Variants in RIMS2 observed in about 807,000 individuals in gnomAD.
RIMS2 encodes regulating synaptic membrane exocytosis 2.
In RIMS2, 59 loss-of-function variants were observed where a neutral mutation model predicts 174.4. That is an observed-to-expected ratio of 0.34 (90% CI 0.27 to 0.42). The LOEUF (loss-of-function observed/expected upper bound fraction) is 0.42, where lower values mean the gene tolerates loss of function less well. RIMS2 is among the 10% of genes least tolerant of loss of function. The pLI is 1.00. For synonymous variants in RIMS2, 606 were observed against 572.5 expected, an observed-to-expected ratio of 1.06 and a Z score of -0.84; for missense variants, 1,620 against 1,666.3, an observed-to-expected ratio of 0.97 and a Z score of 0.48.
At position 104,250,939 on chromosome 8, in the gene RIMS2, T is replaced by C. The variant is rs1588280817; in HGVS notation, c.3692-85T>C. On this transcript the variant is annotated intron_variant, in intron 22 of 23. Transcript: ENST00000504942. The stretch of plus-strand genomic sequence containing the variant: ...ATTGCTAGCTCTTTCAGCCAAAGAT[T>C]ACTAAACTGGTAAATGTCACCGTGC... 1.1e-5 allele frequency: 13 copies of C among 1,206,898 alleles called. No individual in the cohort carries two copies. The East Asian group carries it at 3.0e-4, about 28-fold the overall frequency. 74.8% of individuals were successfully genotyped at this position (1,206,898 alleles called of 1,614,324 possible). A position where few individuals can be genotyped will look rare whatever the true frequency, so the allele number is the denominator to read the frequency against.
At chr8:103,749,726 A>G (rs902457676) in intron 2 of RIMS2, among the ~76,000 whole-genome samples, 1 of 152,166 alleles carries the variant, frequency 6.6e-6, no homozygotes, top group African/African-American at 2.4e-5. Context: ...TACAAATGCA[A>G]TATAGCTTAT....
chr8:103,913,848 G>A (rs954003883), intron 6 of RIMS2, among the ~76,000 whole-genome samples: 18 of 152,080 alleles, frequency 1.2e-4, no homozygotes, highest in Non-Finnish European at 7.4e-5. Context: ...CAAGGGATCT[G>A]TCCCATGATC....
At chr8:103,528,515 A>C (rs1563652125) in intron 1 of RIMS2, among the ~76,000 whole-genome samples, 2 of 152,138 alleles carry the variant, frequency 1.3e-5, no homozygotes, top group Admixed American at 6.5e-5. Flanking sequence ...TAGAGTTTTT[A>C]TGGTTTTAGG....
intron 1 of RIMS2, among the ~76,000 whole-genome samples, chr8:103,570,189 A>G (rs532147046): frequency 7.8e-4 from 119 of 152,094 alleles, no homozygotes; most frequent in Middle Eastern, 3.4e-3. Context: ...ATGTACTTCT[A>G]TGCTGTTTTG....
At chr8:104,130,925 T>C (rs1041871966) in intron 19 of RIMS2, among the ~76,000 whole-genome samples, 2 of 152,192 alleles carry the variant, frequency 1.3e-5, no homozygotes, top group East Asian at 3.8e-4. Context: ...GTGATGTATT[T>C]CTAGAGCATT....
chr8:104,082,559 G>C (rs2097443387), intron 19 of RIMS2, among the ~76,000 whole-genome samples: 1 of 152,092 alleles, frequency 6.6e-6, no homozygotes, highest in Non-Finnish European at 1.5e-5. Context: ...TAGTTCTTTA[G>C]TGTGGAAATA....
At chr8:104,250,280 C>T (rs2099354775) in intron 22 of RIMS2, among the ~76,000 whole-genome samples, 1 of 152,138 alleles carries the variant, frequency 6.6e-6, no homozygotes, top group African/African-American at 2.4e-5. Flanking sequence ...AATTTTGACT[C>T]TCAACTTTTC....
intron 1 of RIMS2, among the ~76,000 whole-genome samples, chr8:103,658,881 C>T (rs28420723): frequency 0.18 from 26,742 of 152,028 alleles, 2,549 homozygotes; most frequent in African/African-American, 0.23. Flanking sequence ...GATTTCTTTG[C>T]TGTGTCTACT....
intron 15 of RIMS2, among the ~76,000 whole-genome samples, chr8:103,972,462 AATC>A (rs572357214): frequency 3.1e-4 from 47 of 152,340 alleles, no homozygotes; most frequent in African/African-American, 1.1e-3. Context: ...GCAAAAGTTA[AATC>A]ATGCACAATT....
At chr8:104,133,346 G>A (rs530880916) in intron 19 of RIMS2, among the ~76,000 whole-genome samples, 1 of 152,280 alleles carries the variant, frequency 6.6e-6, no homozygotes, top group Non-Finnish European at 1.5e-5. Flanking sequence ...GACTCTATTA[G>A]AGAAGAGAGT....
At chr8:104,034,876 T>C (rs2096483266) in intron 19 of RIMS2, among the ~76,000 whole-genome samples, 1 of 152,166 alleles carries the variant, frequency 6.6e-6, no homozygotes, top group African/African-American at 2.4e-5. Flanking sequence ...TATCTTTCCT[T>C]ATAGTAATTA....
At chr8:104,118,343 G>C (rs1188733388) in intron 19 of RIMS2, among the ~76,000 whole-genome samples, 1 of 139,192 alleles carries the variant, frequency 7.2e-6, no homozygotes, top group Non-Finnish European at 1.6e-5. Flanking sequence ...TTTTTTGTTT[G>C]TTTATTTTTT....
At chr8:103,567,187 G>A (rs1226390959) in intron 1 of RIMS2, among the ~76,000 whole-genome samples, 3 of 152,134 alleles carry the variant, frequency 2.0e-5, no homozygotes, top group African/African-American at 7.2e-5. Context: ...GTGGTAAAAT[G>A]CACATATAAA....
intron 3 of RIMS2, among the ~76,000 whole-genome samples, chr8:103,785,786 A>G (rs1402988596): frequency 1.3e-5 from 2 of 152,150 alleles, no homozygotes; most frequent in African/African-American, 4.8e-5. Flanking sequence ...TGCCCTCATA[A>G]AAAGAGTTAG....
In RIMS2 at chr8:103,851,459, GA is replaced by G. The variant is rs1265809008; in HGVS notation, c.699-33832del. Among the ~76,000 whole-genome samples the G allele has an allele frequency of 5.3e-5, 8 of 151,520 alleles. No individual in the cohort carries two copies. In the East Asian group the frequency reaches 1.4e-3, roughly 26 times the overall value. On this transcript the variant is annotated intron_variant, in intron 3 of 23. Transcript: ENST00000504942. ...ATAGAATAAGAAAAATAATATAAAT[GA>G]AAAAAATTATATTCTATATAGTTAG...
intron 19 of RIMS2, among the ~76,000 whole-genome samples, chr8:104,125,862 A>C (rs965145009): frequency 1.3e-5 from 2 of 152,188 alleles, no homozygotes; most frequent in Non-Finnish European, 2.9e-5. Context: ...ATTTGCGGGG[A>C]AAGTTTTCAG....
intron 1 of RIMS2, among the ~76,000 whole-genome samples, chr8:103,518,387 A>G (rs369132989): frequency 1.3e-5 from 2 of 152,132 alleles, no homozygotes; most frequent in Admixed American, 6.5e-5. Flanking sequence ...AAATCTCATA[A>G]TGTTTTAAGA....
chr8:104,030,504 C>T (rs2096367116), intron 19 of RIMS2, among the ~76,000 whole-genome samples: 1 of 152,120 alleles, frequency 6.6e-6, no homozygotes, highest in African/African-American at 2.4e-5. Context: ...GCCTATAAGG[C>T]CCTACATGAC....
intron 17 of RIMS2, among the ~76,000 whole-genome samples, chr8:103,992,526 G>C (rs2094793087): frequency 6.6e-6 from 1 of 151,928 alleles, no homozygotes; most frequent in Non-Finnish European, 1.5e-5. Flanking sequence ...GTTTATTCAG[G>C]CAAGACCAAG....
Sources: allele counts gnomAD v4.1 joint callset (sites outside exome capture counted in the v4.1 genomes callset), GRCh38; gene constraint gnomAD v4.1.1; transcripts MANE v1.5; gene names NCBI Gene and HGNC (gene_info 2026-07-23, HGNC 2026-07-21).